Variants in SYT2 observed in about 807,000 individuals in gnomAD.
The protein encoded by SYT2 is synaptotagmin 2.
In SYT2, 15 loss-of-function variants were observed where a neutral mutation model predicts 39.9. That is an observed-to-expected ratio of 0.38 (90% CI 0.25 to 0.58). The LOEUF (loss-of-function observed/expected upper bound fraction) is 0.58. Ranked by LOEUF, SYT2 falls within the 20% of genes least tolerant of loss-of-function variation. The pLI, the probability that SYT2 is intolerant of heterozygous loss-of-function variation, is 0.70. For synonymous variants in SYT2, 181 were observed against 204.5 expected (o/e 0.89, Z 0.98); for missense variants, 389 against 530.3 (o/e 0.73, Z 2.62).
chr1:202,630,855 T>A (rs1304442660), intron 1 of SYT2, among the ~76,000 whole-genome samples: 1 of 152,156 alleles, frequency 6.6e-6, no homozygotes, highest in Non-Finnish European at 1.5e-5. Flanking sequence ...TACACAGGGC[T>A]CTGGCCTCCC....
chr1:202,691,781 GAGAT>G (rs1188599050), intron 1 of SYT2, among the ~76,000 whole-genome samples: 172 of 138,832 alleles, frequency 1.2e-3, no homozygotes, highest in East Asian at 1.9e-3. Context: ...GAGAGAGAGA[GAGAT>G]GGGAGAGGGT....
chr1:202,704,607 A>G (rs955957347), intron 1 of SYT2, among the ~76,000 whole-genome samples: 10 of 151,604 alleles, frequency 6.6e-5, no homozygotes, highest in Admixed American at 5.9e-4. Context: ...ACTAACTCCC[A>G]TTCTCCCTGC....
intron 8 of SYT2, among the ~76,000 whole-genome samples, chr1:202,597,456 T>A (rs1194492352): frequency 1.3e-5 from 2 of 152,094 alleles, no homozygotes; most frequent in Admixed American, 1.3e-4. Flanking sequence ...AGGAAGAGGA[T>A]TCCAGGAAAA....
chr1:202,598,526 G>A (rs1317940243), intron 8 of SYT2, among the ~76,000 whole-genome samples: 1 of 152,042 alleles, frequency 6.6e-6, no homozygotes, highest in Non-Finnish European at 1.5e-5. Context: ...CCTCCTGCGG[G>A]GAGGAGAGGG....
intron 1 of SYT2, among the ~76,000 whole-genome samples, chr1:202,655,254 C>T (rs1472906136): frequency 3.3e-5 from 5 of 152,060 alleles, no homozygotes; most frequent in African/African-American, 7.3e-5. Flanking sequence ...ATGGCCATTT[C>T]GGACAGCAGG....
chr1:202,626,606 A>G (rs1691423934), intron 1 of SYT2, among the ~76,000 whole-genome samples: 1 of 151,424 alleles, frequency 6.6e-6, no homozygotes, highest in African/African-American at 2.4e-5. Context: ...GGCTCAAGCA[A>G]TTCACCTGCC....
intron 1 of SYT2, among the ~76,000 whole-genome samples, chr1:202,693,735 T>G (rs1300131637): frequency 6.6e-6 from 1 of 152,338 alleles, no homozygotes; most frequent in East Asian, 1.9e-4. Context: ...AAAGATGCAC[T>G]GTCCATTCCT....
chr1:202,652,810 A>C (rs145380443), intron 1 of SYT2, among the ~76,000 whole-genome samples: 330 of 152,304 alleles, frequency 2.2e-3, no homozygotes, highest in African/African-American at 7.6e-3. Flanking sequence ...ACTTGGATTA[A>C]TTACTTAAAC....
chr1:202,633,791 A>G (rs1360259014), intron 1 of SYT2, among the ~76,000 whole-genome samples: 1 of 152,204 alleles, frequency 6.6e-6, no homozygotes, highest in Non-Finnish European at 1.5e-5. Context: ...ATGAAATGCC[A>G]TATTGAAGCT....
At position 202,626,398 on chromosome 1, in the gene SYT2, C is replaced by CTTTTTTTTTTTT. The variant is rs58802666; in HGVS notation, c.-17-20621_-17-20610dup. ...TGCATCTCCCAAGACAGCCTCTCAG[C>CTTTTTTTTTTTT]TTTTTTTTTTTTTTTTTTTTTTTTT... On this transcript the variant is annotated intron_variant, in intron 1 of 8. Coordinates refer to ENST00000367268, the MANE Select transcript of SYT2 (RefSeq NM_177402.5). 2.8e-5 allele frequency among the ~76,000 whole-genome samples: 2 copies of CTTTTTTTTTTTT among 72,432 alleles called. 1 individual carries two copies. The highest frequency in any genetic ancestry group is 9.6e-5 in the African/African-American group (2 of 20,854). The allele number at this position is 72,432 out of a possible 152,430, so 47.5% of individuals were successfully genotyped here.
At chr1:202,707,531 A>C (rs1418424073) in intron 1 of SYT2, among the ~76,000 whole-genome samples, 1 of 152,144 alleles carries the variant, frequency 6.6e-6, no homozygotes, top group Admixed American at 6.5e-5. Context: ...AAGCCAAGTG[A>C]AGTAGTGTTT....
chr1:202,649,790 C>A (rs1692158317), intron 1 of SYT2, among the ~76,000 whole-genome samples: 1 of 152,180 alleles, frequency 6.6e-6, no homozygotes, highest in African/African-American at 2.4e-5. Flanking sequence ...ACTGAGGCCC[C>A]CAAAATGCAA....
At chr1:202,617,171 G>C (rs1468868938) in intron 1 of SYT2, among the ~76,000 whole-genome samples, 1 of 152,156 alleles carries the variant, frequency 6.6e-6, no homozygotes, top group African/African-American at 2.4e-5. Flanking sequence ...CCTCTTCGGG[G>C]CCTTTGTATA....
rs2149062404 is a variant in SYT2, at chr1:202,595,683, CAG to C, written c.*1072_*1073del. 1 of 152,340 alleles carries C rather than the reference CAG, an allele frequency of 6.6e-6. No homozygotes were observed. Among genetic ancestry groups the C allele is most frequent in the East Asian group, 1.9e-4 (1 of 5,188 alleles). The allele number at this position is 152,340 out of a possible 1,614,324, so 9.4% of individuals were successfully genotyped here. ...AGTGTTGCTCCACTTAAAAGAGAAA[CAG>C]AAGCAAAAGCACAATGGGGAATAAA... On this transcript the variant is annotated 3_prime_UTR_variant, in exon 9 of 9. Transcript: ENST00000367268.
intron 1 of SYT2, among the ~76,000 whole-genome samples, chr1:202,626,127 A>C (rs1691397666): frequency 1.3e-5 from 2 of 152,158 alleles, no homozygotes; most frequent in African/African-American, 4.8e-5. Context: ...CCACTTGTCC[A>C]GGAAGCTGGG....
In SYT2 at chr1:202,614,017, G is replaced by A. The variant is rs963100628; in HGVS notation, c.-17-8228C>T. 1.2e-4 allele frequency among the ~76,000 whole-genome samples: 19 copies of A among 152,230 alleles called. No homozygotes were observed. The highest frequency in any genetic ancestry group is 2.2e-4 in the Non-Finnish European group (15 of 68,040). ...AAATGTGGGTTGGATGTGAATCTGA[G>A]AAGTGTTCATTGAACCTTATCTGAG... On this transcript the variant is annotated intron_variant, in intron 1 of 8. Transcript: ENST00000367268. This position sits in a 1 kb window ranked among gnomAD's most constrained non-coding sequence, Gnocchi z 4.0.
chr1:202,696,638 A>C (rs1336936850), intron 1 of SYT2, among the ~76,000 whole-genome samples: 1 of 152,170 alleles, frequency 6.6e-6, no homozygotes, highest in Non-Finnish European at 1.5e-5. Flanking sequence ...AAATGAATGA[A>C]TGACTGAGTG....
chr1:202,603,340 A>G (rs972961218), intron 3 of SYT2, among the ~76,000 whole-genome samples: 1 of 152,120 alleles, frequency 6.6e-6, no homozygotes, highest in Non-Finnish European at 1.5e-5. Context: ...TGTTTGAGAC[A>G]TGGCTCTGGT....
chr1:202,602,475 A>G lies in SYT2; in HGVS notation c.536T>C (p.Val179Ala), dbSNP rs770814130. 6.2e-7 allele frequency: 1 copy of G among 1,614,116 alleles called. No homozygotes were observed. Among genetic ancestry groups the G allele is most frequent in the African/African-American group, 1.3e-5 (1 of 75,030 alleles). ...LDMGGTSDPY[V>A]KVFLLPDKKK... ...CTTGTCAGGAAGGAGGAAGACCTTG[A>G]CATAAGGGTCTGAGGTGCCTCCCAT... Residue 179 changes from valine to alanine, a missense_variant, in exon 5 of 9, where the codon GTC becomes GCC. Around this residue, in one of 4 missense-constraint regions of SYT2, gnomAD observed 280 missense variants for 335.6 expected, o/e 0.83. Coordinates refer to ENST00000367268, the MANE Select transcript of SYT2 (RefSeq NM_177402.5).
Sources: allele counts gnomAD v4.1 joint callset (sites outside exome capture counted in the v4.1 genomes callset), GRCh38; gene constraint gnomAD v4.1.1; regional missense constraint gnomAD v4.1.1; non-coding constraint Gnocchi (gnomAD v3.1); transcripts MANE v1.5; gene names NCBI Gene and HGNC (gene_info 2026-07-23, HGNC 2026-07-21).